Variants in SULF2 observed in about 807,000 individuals in gnomAD.
The protein encoded by SULF2 is extracellular sulfatase Sulf-2.
In SULF2, 52 loss-of-function variants were observed where a neutral mutation model predicts 107.7. The observed-to-expected ratio is 0.48, with a 90% CI of 0.39 to 0.61. The LOEUF (loss-of-function observed/expected upper bound fraction) is 0.61, where lower values mean the gene tolerates loss of function less well. Ranked by LOEUF, SULF2 falls within the 20% of genes least tolerant of loss-of-function variation. The probability of loss-of-function intolerance (pLI) is 0.00; values close to 1 mark genes in which losing one functional copy is unlikely to be tolerated. For synonymous variants in SULF2, 460 were observed against 464.3 expected, an observed-to-expected ratio of 0.99 and a Z score of 0.12; for missense variants, 993 against 1,177.3, an observed-to-expected ratio of 0.84 and a Z score of 2.29.
At chr20:47,736,562 G>C in intron 3 of SULF2, 141 bp downstream of exon 3, 1 of 1,191,262 alleles carries the variant, frequency 8.4e-7, no homozygotes, top group Non-Finnish European at 1.2e-6. Context: ...AGAAATAAAT[G>C]CACAACTCTG....
At chr20:47,739,688 T>C (rs956987778) in intron 2 of SULF2, among the ~76,000 whole-genome samples, 1 of 152,270 alleles carries the variant, frequency 6.6e-6, no homozygotes, top group Non-Finnish European at 1.5e-5. Flanking sequence ...CTTATTTGTA[T>C]GTTGCTGCCT....
intron 3 of SULF2, among the ~76,000 whole-genome samples, chr20:47,733,122 C>T (rs914219005): frequency 4.6e-5 from 7 of 152,052 alleles, no homozygotes; most frequent in African/African-American, 9.7e-5. Flanking sequence ...ATTAAAATGA[C>T]GCTGGAAGAT....
chr20:47,756,114 C>T lies in SULF2; in HGVS notation c.175+1075G>A, dbSNP rs539580372. 2.6e-5 allele frequency among the ~76,000 whole-genome samples: 4 copies of T among 152,232 alleles called. No individual in the cohort carries two copies. The South Asian group carries it at 8.3e-4, about 32-fold the overall frequency. On this transcript the variant is annotated intron_variant, in intron 2 of 20. Coordinates refer to ENST00000688720, the MANE Select transcript of SULF2 (RefSeq NM_001387048.1). ...CGGAAATTCTAAGCATGACTATAGC[C>T]GAAACAGCGTCGGGGCTACACAATG...
At chr20:47,756,765 T>A (rs73137526) in intron 2 of SULF2, among the ~76,000 whole-genome samples, 38,418 of 151,528 alleles carry the variant, frequency 0.25, 5,715 homozygotes, top group Non-Finnish European at 0.34. Flanking sequence ...TGTGCCCCAG[T>A]CTCCTCAGTA....
chr20:47,765,351 TAAAA>T (rs71183276), intron 1 of SULF2, among the ~76,000 whole-genome samples: 15 of 122,818 alleles, frequency 1.2e-4, no homozygotes, highest in African/African-American at 3.9e-4. Flanking sequence ...GACACTGCCT[TAAAA>T]AAAAACAAAA....
chr20:47,721,365 A>C (rs9679899), intron 3 of SULF2, among the ~76,000 whole-genome samples: 14,416 of 115,834 alleles, frequency 0.12, 784 homozygotes, highest in South Asian at 0.17. Context: ...CTTTAAGAAG[A>C]AGCTATTTTT....
intron 3 of SULF2, among the ~76,000 whole-genome samples, chr20:47,733,430 C>T (rs1479079134): frequency 7.9e-5 from 12 of 152,226 alleles, no homozygotes; most frequent in Admixed American, 7.9e-4. Context: ...GAAGAATCAA[C>T]TCATTAGTTG....
At chr20:47,711,045 G>A (rs1418559017) in intron 3 of SULF2, among the ~76,000 whole-genome samples, 2 of 152,302 alleles carry the variant, frequency 1.3e-5, no homozygotes, top group South Asian at 4.1e-4. Context: ...TGGCACAGGG[G>A]CACACACGGC....
intron 11 of SULF2, among the ~76,000 whole-genome samples, chr20:47,668,283 A>C (rs2087343265): frequency 6.6e-6 from 1 of 152,222 alleles, no homozygotes; most frequent in Non-Finnish European, 1.5e-5. Context: ...CTTTGTGAAT[A>C]CAGTTTCACT....
intron 1 of SULF2, among the ~76,000 whole-genome samples, chr20:47,762,722 T>A (rs1038662982): frequency 6.6e-6 from 1 of 152,176 alleles, no homozygotes; most frequent in Admixed American, 6.5e-5. Context: ...GGAAGGGCAG[T>A]CTTCATTGGG....
chr20:47,707,559 C>T (rs76126662), intron 3 of SULF2, among the ~76,000 whole-genome samples: 1 of 152,270 alleles, frequency 6.6e-6, no homozygotes, highest in East Asian at 1.9e-4. Context: ...AACCTAGTTC[C>T]ACCCACAAAG....
At position 47,661,822 on chromosome 20, in the gene SULF2, GCTC is replaced by G; in HGVS notation, c.2442_2444del (p.Arg814del). The G allele has an allele frequency of 6.3e-7, 1 of 1,591,106 alleles. No homozygotes were observed. Among genetic ancestry groups the G allele is most frequent in the Non-Finnish European group, 8.6e-7 (1 of 1,164,174 alleles). The stretch of plus-strand genomic sequence containing the variant: ...GGTTACACTGCTTGTAACCCTTGCA[GCTC>G]CTCAGCTCCATGAGCTGTACGTGTA... On this transcript the variant is annotated inframe_deletion, in exon 18 of 21. Coordinates refer to ENST00000688720, the MANE Select transcript of SULF2 (RefSeq NM_001387048.1).
chr20:47,721,686 T>C (rs1410616704), intron 3 of SULF2, among the ~76,000 whole-genome samples: 1 of 152,216 alleles, frequency 6.6e-6, no homozygotes, highest in African/African-American at 2.4e-5. Context: ...TGGGTTTCTA[T>C]AGTGGATATC....
chr20:47,676,465 G>C, intron 10 of SULF2, 29 bp downstream of exon 10: 1 of 1,599,864 alleles, frequency 6.3e-7, no homozygotes, highest in South Asian at 1.1e-5. Context: ...AGGAGGGGGA[G>C]CCGTTGGGAG....
chr20:47,724,846 G>C (rs149764398), intron 3 of SULF2, among the ~76,000 whole-genome samples: 1 of 152,184 alleles, frequency 6.6e-6, no homozygotes, highest in Non-Finnish European at 1.5e-5. Flanking sequence ...AGCGCCATCA[G>C]ACTGACCTCC....
chr20:47,715,798 T>C (rs2089100007), intron 3 of SULF2, among the ~76,000 whole-genome samples: 1 of 152,164 alleles, frequency 6.6e-6, no homozygotes, highest in African/African-American at 2.4e-5. Context: ...GCCAGGCTGG[T>C]CTTGAGCTGA....
chr20:47,769,871 G>T (rs1380873410), intron 1 of SULF2, among the ~76,000 whole-genome samples: 1 of 152,030 alleles, frequency 6.6e-6, no homozygotes. Flanking sequence ...TGCAGGAGGG[G>T]AGGGAACATG....
chr20:47,673,846 T>C lies in SULF2; in HGVS notation c.1381-1453A>G, dbSNP rs115773219. Among the ~76,000 whole-genome samples the C allele has an allele frequency of 3.6e-3, 547 of 152,310 alleles. 6 individuals are homozygous for C. The highest frequency in any genetic ancestry group is 0.012 in the African/African-American group (514 of 41,574). ...ACAGGCCCAGAAGCCCAGGTCTGAT[T>C]TTTCAAGAAAAGCCAGGGCTCTGAG... is the stretch of plus-strand genomic sequence containing the variant. On this transcript the variant is annotated intron_variant, in intron 10 of 20. Transcript: ENST00000688720.
At chr20:47,757,632 A>G (rs769415232) in intron 1 of SULF2, among the ~76,000 whole-genome samples, 169 bp from the exon 2 acceptor site, 3 of 152,156 alleles carry the variant, frequency 2.0e-5, no homozygotes, top group African/African-American at 7.2e-5. Context: ...AAGTCTTTAC[A>G]GTTTGCTTGG....
Sources: gnomAD v4.1 joint callset for allele counts (sites outside exome capture counted in the v4.1 genomes callset) on GRCh38, gnomAD v4.1.1 for gene constraint, MANE v1.5 for transcripts, NCBI Gene and HGNC (gene_info 2026-07-23, HGNC 2026-07-21) for gene names.